Variants in RLF observed in about 807,000 individuals in gnomAD.
RLF encodes the protein zinc finger protein Rlf.
A neutral mutation model predicts 162.9 loss-of-function variants in RLF; 7 were observed. The observed-to-expected ratio is 0.04, with a 90% confidence interval of 0.02 to 0.08. The LOEUF (loss-of-function observed/expected upper bound fraction) is 0.08. Among genes scored for constraint, RLF ranks in the 10% least tolerant of loss-of-function variants. The pLI is 1.00. For synonymous variants in RLF, 782 were observed against 791.5 expected, an observed-to-expected ratio of 0.99 and a Z score of 0.20; for missense variants, 1,664 against 2,244.7, an observed-to-expected ratio of 0.74 and a Z score of 5.23.
In RLF at chr1:40,240,388, C is replaced by G; in HGVS notation, c.5686C>G (p.Pro1896Ala). 4.3e-6 allele frequency: 7 copies of G among 1,614,060 alleles called. No homozygotes were observed. The highest frequency in any genetic ancestry group is 2.2e-5 in the East Asian group (1 of 44,880). Residue 1896 changes from proline (P) to alanine (A), a missense_variant, in exon 8 of 8, where the codon CCA (proline) becomes GCA (alanine). Around this residue, in one of 15 missense-constraint regions of RLF, gnomAD observed 27 missense variants for 52.5 expected, o/e 0.51. Transcript: ENST00000372771. Reference protein sequence around the residue: ...VVLERSKFSTPILDLFPTKKT... With the variant: ...VVLERSKFSTAILDLFPTKKT... Reference sequence around the variant, plus strand: ...TCTTGAAAGATCTAAGTTTTCCACACCAATTTTAGACTTATTTCCAACAAA... The same window carrying G: ...TCTTGAAAGATCTAAGTTTTCCACAGCAATTTTAGACTTATTTCCAACAAA...
At chr1:40,173,145 C>T (rs1166117429) in intron 1 of RLF, among the ~76,000 whole-genome samples, 2 of 146,208 alleles carry the variant, frequency 1.4e-5, no homozygotes, top group South Asian at 2.1e-4. Flanking sequence ...GGTGCGATCT[C>T]GGCTCCCCGC....
intron 5 of RLF, among the ~76,000 whole-genome samples, chr1:40,218,360 G>A (rs1005104469): frequency 1.3e-5 from 2 of 152,134 alleles, no homozygotes; most frequent in African/African-American, 4.8e-5. Flanking sequence ...CCCTTGGCTG[G>A]TTACTTTTGT....
At chr1:40,207,315 C>T (rs1642809701) in intron 5 of RLF, among the ~76,000 whole-genome samples, 1 of 152,182 alleles carries the variant, frequency 6.6e-6, no homozygotes, top group Non-Finnish European at 1.5e-5. Context: ...TGGAACATTC[C>T]ACTCATGCTT....
chr1:40,233,035 C>T (rs1395770698), intron 7 of RLF, among the ~76,000 whole-genome samples: 1 of 147,936 alleles, frequency 6.8e-6, no homozygotes, highest in Non-Finnish European at 1.5e-5. Flanking sequence ...GCAGAGGTGG[C>T]AGTGAGCCGA....
chr1:40,180,528 C>G (rs1642391801), intron 1 of RLF, among the ~76,000 whole-genome samples: 1 of 152,140 alleles, frequency 6.6e-6, no homozygotes, highest in Non-Finnish European at 1.5e-5. Context: ...TCCCAACGTG[C>G]TGAGATTACA....
rs138734654 is a variant in RLF at position 40,234,699 on chromosome 1, A to G, written c.1090-1093A>G. Among the ~76,000 whole-genome samples, 196 of 152,330 alleles carry G rather than the reference A, an allele frequency of 1.3e-3. 1 individual carries two copies. Among genetic ancestry groups the G allele is most frequent in the African/African-American group, 4.6e-3 (190 of 41,566 alleles). On this transcript the variant is annotated intron_variant, in intron 7 of 7. Transcript: ENST00000372771. ...TGAAGCTGGGGTTCAAAGGCAGTCA[A>G]AGTCTGATTCTAAAGTCTCTGCTCA...
At chr1:40,204,714 C>T (rs1438694637) in intron 5 of RLF, among the ~76,000 whole-genome samples, 1 of 152,040 alleles carries the variant, frequency 6.6e-6, no homozygotes, top group Non-Finnish European at 1.5e-5. Context: ...GAGCCACTCA[C>T]TGCACCCAGC....
intron 5 of RLF, among the ~76,000 whole-genome samples, chr1:40,210,360 A>G (rs1035433546): frequency 6.6e-6 from 1 of 152,184 alleles, no homozygotes; most frequent in Non-Finnish European, 1.5e-5. Flanking sequence ...GCTTTAAGTA[A>G]TGGTGGGGTT....
chr1:40,235,898 C>T lies in RLF; in HGVS notation c.1196C>T (p.Ala399Val), dbSNP rs1395653755. Residue 399 changes from alanine (A) to valine (V), a missense_variant, in exon 8 of 8, where the codon GCC becomes GTC. Ala to Val is a moderately conservative substitution (Grantham distance 64, BLOSUM62 0). Transcript: ENST00000372771. ...AAGGCATCAGTTTGTAAAACAATTG[C>T]CTGTCTTTTACCAGAAGATTTAGAA... ...EMKASVCKTI[A>V]CLLPEDLEVR... The T allele has an allele frequency of 1.2e-6, 2 of 1,613,906 alleles. No homozygotes were observed. The highest frequency in any genetic ancestry group is 1.3e-5 in the African/African-American group (1 of 74,922).
chr1:40,219,683 G>C (rs1251582768), intron 5 of RLF, among the ~76,000 whole-genome samples: 1 of 152,184 alleles, frequency 6.6e-6, no homozygotes, highest in Admixed American at 6.5e-5. Flanking sequence ...GTGTGTGTGA[G>C]ATACCATGCT....
At chr1:40,192,248 G>A (rs1017019901) in intron 3 of RLF, among the ~76,000 whole-genome samples, 3 of 152,060 alleles carry the variant, frequency 2.0e-5, no homozygotes, top group Admixed American at 6.6e-5. Context: ...CCTGCCAGTC[G>A]TTTTGTTCTG....
chr1:40,186,097 G>T lies in RLF; in HGVS notation c.238-2958G>T, dbSNP rs376681951. ...CACTTGAATCTGGGAGGTGAAGGTT[G>T]CAGTGAGCCGAGATTTCACCACCGC... On this transcript the variant is annotated intron_variant, in intron 1 of 7. Coordinates refer to ENST00000372771, the MANE Select transcript of RLF (RefSeq NM_012421.4). Among the ~76,000 whole-genome samples, 13 of 152,220 alleles carry T rather than the reference G, an allele frequency of 8.5e-5. 1 individual carries two copies. Among genetic ancestry groups the T allele is most frequent in the East Asian group, 3.9e-4 (2 of 5,180 alleles).
At chr1:40,165,649 T>C (rs1451954946) in intron 1 of RLF, among the ~76,000 whole-genome samples, 1 of 152,190 alleles carries the variant, frequency 6.6e-6, no homozygotes, top group Non-Finnish European at 1.5e-5. Flanking sequence ...TCATTCAGGC[T>C]TTCTCCTGTT....
At chr1:40,210,966 AC>A (rs1375504786) in intron 5 of RLF, among the ~76,000 whole-genome samples, 1 of 152,210 alleles carries the variant, frequency 6.6e-6, no homozygotes, top group East Asian at 1.9e-4. Context: ...TATAGGAAAT[AC>A]GATTTGATAC....
chr1:40,169,398 T>C (rs1377622435), intron 1 of RLF, among the ~76,000 whole-genome samples: 1 of 151,460 alleles, frequency 6.6e-6, no homozygotes, highest in African/African-American at 2.4e-5. Flanking sequence ...GGGTGGATCA[T>C]GAGGTCAGGA....
chr1:40,199,177 G>T (rs565527487), intron 4 of RLF, among the ~76,000 whole-genome samples: 1 of 152,176 alleles, frequency 6.6e-6, no homozygotes, highest in Non-Finnish European at 1.5e-5. Flanking sequence ...GTGAGGTGAC[G>T]TTAAAATGTT....
At position 40,231,642 on chromosome 1, in the gene RLF, G is replaced by C; in HGVS notation, c.1073G>C (p.Arg358Thr). Residue 358 changes from arginine (R) to threonine (T), a missense_variant, in exon 7 of 8, where the codon AGA becomes ACA. By Grantham distance (71) the Arg-to-Thr change is moderately conservative (BLOSUM62 -1). This residue lies in a region of RLF where 287 missense variants were observed against 404.9 expected (regional missense o/e 0.71). Coordinates refer to ENST00000372771, the MANE Select transcript of RLF (RefSeq NM_012421.4). ...KTQQHLFCLI[R>T]VIQTEAQDAG... Reference sequence around the variant, plus strand: ...CAGCAGCATTTATTTTGCCTCATTAGAGTTATACAAACTGAAGTGAGTACT... The same window carrying C: ...CAGCAGCATTTATTTTGCCTCATTACAGTTATACAAACTGAAGTGAGTACT... The C allele has an allele frequency of 6.2e-7, 1 of 1,612,904 alleles. No individual in the cohort carries two copies. Among genetic ancestry groups the C allele is most frequent in the Non-Finnish European group, 8.5e-7 (1 of 1,179,716 alleles).
intron 1 of RLF, among the ~76,000 whole-genome samples, chr1:40,187,531 A>T (rs1642498700): frequency 6.6e-6 from 1 of 152,206 alleles, no homozygotes; most frequent in East Asian, 1.9e-4. Flanking sequence ...ATTTATCTAA[A>T]GTGACTGTGA....
chr1:40,224,975 C>T (rs1185720572), intron 6 of RLF, among the ~76,000 whole-genome samples: 2 of 151,334 alleles, frequency 1.3e-5, no homozygotes, highest in Admixed American at 6.6e-5. Context: ...GACTCCGTCT[C>T]AAAAACAAAA....
Sources: allele counts gnomAD v4.1 joint callset (sites outside exome capture counted in the v4.1 genomes callset), GRCh38; gene constraint gnomAD v4.1.1; regional missense constraint gnomAD v4.1.1; transcripts MANE v1.5; gene names NCBI Gene and HGNC (gene_info 2026-07-23, HGNC 2026-07-21).